Variants in ASH2L observed in about 807,000 individuals in gnomAD.
The protein encoded by ASH2L is set1/Ash2 histone methyltransferase complex subunit ASH2.
In ASH2L, 30 loss-of-function variants were observed where a neutral mutation model predicts 81.1. The ratio of observed to expected loss-of-function variants is 0.37; its 90% confidence interval spans 0.28 to 0.50. The LOEUF (loss-of-function observed/expected upper bound fraction) is 0.50, where lower values mean the gene tolerates loss of function less well. Among genes scored for constraint, ASH2L ranks in the 20% least tolerant of loss-of-function variants. The probability of loss-of-function intolerance (pLI) is 0.95; values close to 1 mark genes in which losing one functional copy is unlikely to be tolerated. For missense variants in ASH2L, 559 were observed against 792.1 expected, an observed-to-expected ratio of 0.71 and a Z score of 3.53; for synonymous variants, 273 against 279.9, an observed-to-expected ratio of 0.98 and a Z score of 0.24.
intron 7 of ASH2L, 82 bp from the exon 8 acceptor site, chr8:38,116,568 T>C (rs1810911244): frequency 9.2e-7 from 1 of 1,089,350 alleles, no homozygotes; most frequent in Non-Finnish European, 1.4e-6. Context: ...GTTCCCATTC[T>C]GTTAGAATTT....
intron 9 of ASH2L, among the ~76,000 whole-genome samples, chr8:38,120,146 T>G (rs1248674200): frequency 1.3e-5 from 2 of 152,112 alleles, no homozygotes; most frequent in South Asian, 2.1e-4. Flanking sequence ...CAAACCCAAG[T>G]TTAAGTGTCA....
Position 38,139,148 on chromosome 8 carries a change from A to G in ASH2L, c.*77A>G. 8.6e-7 allele frequency: 1 copy of G among 1,160,990 alleles called. No individual in the cohort carries two copies. The allele number at this position is 1,160,990 out of a possible 1,614,324, so 71.9% of individuals were successfully genotyped here. A position where few individuals can be genotyped will look rare whatever the true frequency, so the allele number is the denominator to read the frequency against. Reference sequence around the variant, plus strand: ...TGTTTTTGTTTTTGAACTGTCTCAAATGTTCTCCCAAAGATGCTAAAAACA... The same window carrying G: ...TGTTTTTGTTTTTGAACTGTCTCAAGTGTTCTCCCAAAGATGCTAAAAACA... On this transcript the variant is annotated 3_prime_UTR_variant, in exon 16 of 16. Coordinates refer to ENST00000343823, the MANE Select transcript of ASH2L (RefSeq NM_004674.5).
At chr8:38,113,957 G>A (rs1281199898) in intron 5 of ASH2L, among the ~76,000 whole-genome samples, 1 of 152,184 alleles carries the variant, frequency 6.6e-6, no homozygotes, top group Non-Finnish European at 1.5e-5. Context: ...GCCCTACATG[G>A]CTAAGGTTTG....
At chr8:38,127,082 A>G (rs925402097) in intron 10 of ASH2L, among the ~76,000 whole-genome samples, 12 of 151,358 alleles carry the variant, frequency 7.9e-5, no homozygotes, top group African/African-American at 2.9e-4. Context: ...GGATTGTTTG[A>G]GCCCAGGAAA....
Position 38,110,622 on chromosome 8 carries a change from A to C in ASH2L, c.491-117A>C. On this transcript the variant is annotated intron_variant, in intron 4 of 15. Coordinates refer to ENST00000343823, the MANE Select transcript of ASH2L (RefSeq NM_004674.5). Reference sequence around the variant, plus strand: ...ATTGCAATTGCCCATTTCAGGTCACATGATGACTCCATTTTGCTGCTATAA... The same window carrying C: ...ATTGCAATTGCCCATTTCAGGTCACCTGATGACTCCATTTTGCTGCTATAA... 3.5e-6 allele frequency: 4 copies of C among 1,136,996 alleles called. No homozygotes were observed. The East Asian group carries it at 9.8e-5, about 28-fold the overall frequency. 70.4% of individuals were successfully genotyped at this position (1,136,996 alleles called of 1,614,324 possible).
At position 38,105,534 on chromosome 8, in the gene ASH2L, G is replaced by A. The variant is rs541233672; in HGVS notation, c.-17G>A. On this transcript the variant is annotated 5_prime_UTR_variant, in exon 1 of 16. Coordinates refer to ENST00000343823, the MANE Select transcript of ASH2L (RefSeq NM_004674.5). ...AGAGAAGAGAGTATTCTCGCGAGAA[G>A]TCCAGGGGTGGCCGTGATGGCGGCG... 19 of 1,548,334 alleles carry A rather than the reference G, an allele frequency of 1.2e-5. No individual in the cohort carries two copies. Among genetic ancestry groups the A allele is most frequent in the Admixed American group, 4.0e-5 (2 of 50,594 alleles).
intron 1 of ASH2L, chr8:38,106,053 C>T: frequency 1.3e-6 from 2 of 1,525,896 alleles, no homozygotes; most frequent in Non-Finnish European, 1.8e-6. Context: ...TTTGCAGTGC[C>T]AGACTGGAAG....
At chr8:38,131,627 CAG>C (rs1305346648) in intron 12 of ASH2L, among the ~76,000 whole-genome samples, 5 of 152,098 alleles carry the variant, frequency 3.3e-5, no homozygotes, top group African/African-American at 1.2e-4. Flanking sequence ...GACTGGGCGA[CAG>C]AGAGCAAGAC....
intron 13 of ASH2L, among the ~76,000 whole-genome samples, chr8:38,134,125 A>G (rs1006466075): frequency 3.9e-5 from 6 of 152,154 alleles, no homozygotes; most frequent in Admixed American, 6.6e-5. Context: ...TGAAGGCAGC[A>G]TGCTCGTTAA....
intron 3 of ASH2L, among the ~76,000 whole-genome samples, chr8:38,107,978 A>G (rs964561847): frequency 1.3e-4 from 19 of 151,334 alleles, no homozygotes; most frequent in Admixed American, 7.9e-4. Flanking sequence ...TCTGCTGCCC[A>G]GGCTGGAGTG....
At position 38,135,536 on chromosome 8, in the gene ASH2L, C is replaced by T. The variant is rs1385343991; in HGVS notation, c.1621-132C>T. 1.0e-5 allele frequency: 6 copies of T among 572,314 alleles called. No individual in the cohort carries two copies. The African/African-American group carries it at 1.1e-4, about 11-fold the overall frequency. The allele number at this position is 572,314 out of a possible 1,614,324, so 35.5% of individuals were successfully genotyped here. On this transcript the variant is annotated intron_variant, in intron 13 of 15. Transcript: ENST00000343823. ...AAAAATTGAAGATGTTGTTATTACA[C>T]AAGTTATGCACTGTTCTTGGGTGAG...
Position 38,110,801 on chromosome 8 carries a change from G to A in ASH2L, c.553G>A (p.Glu185Lys). The stretch of plus-strand genomic sequence containing the variant: ...GACATGGCAGTCCCGAACACAGGAT[G>A]AACATCCGAAGACAATGTTCTCCAA... ...NLTWQSRTQD[E>K]HPKTMFSKDK... Residue 185 changes from glutamate (E) to lysine (K), a missense_variant, in exon 5 of 16, where the codon GAA becomes AAA. Coordinates refer to ENST00000343823, the MANE Select transcript of ASH2L (RefSeq NM_004674.5). 1 of 1,613,834 alleles carries A rather than the reference G, an allele frequency of 6.2e-7. No individual in the cohort carries two copies. Among genetic ancestry groups the A allele is most frequent in the Non-Finnish European group, 8.5e-7 (1 of 1,179,938 alleles).
At chr8:38,133,624 A>C in intron 13 of ASH2L, 78 bp downstream of exon 13, 1 of 1,168,720 alleles carries the variant, frequency 8.6e-7, no homozygotes, top group Non-Finnish European at 1.2e-6. Flanking sequence ...AAAAGTGAGG[A>C]ACACGAGGCC....
At chr8:38,132,526 C>T (rs1428454318) in intron 12 of ASH2L, among the ~76,000 whole-genome samples, 3 of 152,174 alleles carry the variant, frequency 2.0e-5, no homozygotes, top group African/African-American at 7.2e-5. Context: ...AGGCTTGGTG[C>T]AGTGGCTCGT....
chr8:38,133,373 C>T, intron 12 of ASH2L, 81 bp from the exon 13 acceptor site: 1 of 919,628 alleles, frequency 1.1e-6, no homozygotes, highest in Non-Finnish European at 1.7e-6. Flanking sequence ...GGGGTTAACA[C>T]TATTTGTGTG....
chr8:38,120,063 TGTA>T (rs1563254746), intron 9 of ASH2L, among the ~76,000 whole-genome samples: 1 of 152,140 alleles, frequency 6.6e-6, no homozygotes, highest in Non-Finnish European at 1.5e-5. Flanking sequence ...AGGCAGAGGT[TGTA>T]GTGAGCTGAG....
intron 5 of ASH2L, among the ~76,000 whole-genome samples, chr8:38,113,803 G>A (rs141029852): frequency 1.3e-5 from 2 of 152,316 alleles, no homozygotes; most frequent in East Asian, 3.9e-4. Context: ...TTAGTCACAA[G>A]AAGTTTGAGG....
chr8:38,107,254 C>A, intron 3 of ASH2L, 88 bp downstream of exon 3: 1 of 1,531,824 alleles, frequency 6.5e-7, no homozygotes, highest in Non-Finnish European at 9.0e-7. Context: ...AAAATAAATG[C>A]AAAGTATTTC....
At chr8:38,107,268 T>C in intron 3 of ASH2L, 102 bp downstream of exon 3, 1 of 1,457,300 alleles carries the variant, frequency 6.9e-7, no homozygotes, top group Non-Finnish European at 9.5e-7. Context: ...GTATTTCCTA[T>C]GTCTCCTAAC....
Sources: gnomAD v4.1 joint callset for allele counts (sites outside exome capture counted in the v4.1 genomes callset) on GRCh38, gnomAD v4.1.1 for gene constraint, MANE v1.5 for transcripts, NCBI Gene and HGNC (gene_info 2026-07-23, HGNC 2026-07-21) for gene names.